LRPPRC: variants seen among roughly 807,000 people sequenced by gnomAD.
LRPPRC encodes the protein leucine rich pentatricopeptide repeat containing.
In LRPPRC, 120 loss-of-function variants were observed where a neutral mutation model predicts 180.3. The ratio of observed to expected loss-of-function variants is 0.67; its 90% CI spans 0.57 to 0.77. The LOEUF is 0.77. Ranked by LOEUF, LRPPRC falls within the 30% of genes least tolerant of loss-of-function variation. LRPPRC has a pLI of 0.00. For synonymous variants in LRPPRC, 723 were observed against 600.0 expected (o/e 1.21, Z -3.00); for missense variants, 2,012 against 1,657.2 (o/e 1.21, Z -3.72).
intron 1 of LRPPRC, among the ~76,000 whole-genome samples, chr2:43,986,776 T>C (rs546388823): frequency 4.6e-5 from 7 of 152,260 alleles, no homozygotes; most frequent in African/African-American, 1.7e-4. Flanking sequence ...CTGGCTGCAA[T>C]TGGGTGTTCA....
chr2:43,938,854 T>C (rs1190990299), intron 23 of LRPPRC, among the ~76,000 whole-genome samples: 1 of 152,086 alleles, frequency 6.6e-6, no homozygotes, highest in African/African-American at 2.4e-5. Flanking sequence ...ATGTATTTCA[T>C]ACAATCTGGA....
At chr2:43,963,502 A>G in intron 12 of LRPPRC, 86 bp downstream of exon 12, 4 of 886,574 alleles carry the variant, frequency 4.5e-6, no homozygotes, top group Non-Finnish European at 7.7e-6. Flanking sequence ...TCCTCAGTTC[A>G]ATGACTTTTT....
rs1046600365 is a variant in LRPPRC at position 43,908,927 on chromosome 2, T to C, written c.3276-3147A>G. 7.2e-5 allele frequency among the ~76,000 whole-genome samples: 11 copies of C among 152,284 alleles called. No individual in the cohort carries two copies. The East Asian group carries it at 1.7e-3, about 24-fold the overall frequency. On this transcript the variant is annotated intron_variant, in intron 30 of 37. Transcript: ENST00000260665. ...ATCCAGAGTAAGACTGCCAGAATAATACTAGGGCGGTACCGCCACTTGCTA... is the reference window on the plus strand; with the variant it reads ...ATCCAGAGTAAGACTGCCAGAATAACACTAGGGCGGTACCGCCACTTGCTA...
At position 43,973,912 on chromosome 2, in the gene LRPPRC, A is replaced by T; in HGVS notation, c.1156-12T>A. ...AGCTTCTCCACAGGCTGTGGGAAAA[A>T]AGTCACCACATTAGCTGGATTGGCA... On this transcript the variant is annotated splice_polypyrimidine_tract_variant and intron_variant, in intron 9 of 37. Coordinates refer to ENST00000260665, the MANE Select transcript of LRPPRC (RefSeq NM_133259.4). The T allele has an allele frequency of 6.7e-7, 1 of 1,487,812 alleles. No individual in the cohort carries two copies. The highest frequency in any genetic ancestry group is 1.1e-5 in the South Asian group (1 of 88,524). 92.2% of individuals were successfully genotyped at this position (1,487,812 alleles called of 1,614,324 possible). A position where few individuals can be genotyped will look rare whatever the true frequency, so the allele number is the denominator to read the frequency against.
Position 43,951,025 on chromosome 2 carries a change from G to C in LRPPRC, c.1650-425C>G, listed in dbSNP as rs369422416. ...GCGGAGGTTGCAGTGAGCCGAGATC[G>C]TGCCACTGCACTCCAGCCTGGGAGA... is the stretch of plus-strand genomic sequence containing the variant. On this transcript the variant is annotated intron_variant, in intron 14 of 37. Coordinates refer to ENST00000260665, the MANE Select transcript of LRPPRC (RefSeq NM_133259.4). Among the ~76,000 whole-genome samples, 2 of 152,158 alleles carry C rather than the reference G, an allele frequency of 1.3e-5. 1 individual carries two copies. Among genetic ancestry groups the C allele is most frequent in the East Asian group, 3.9e-4 (2 of 5,190 alleles).
intron 1 of LRPPRC, among the ~76,000 whole-genome samples, chr2:43,993,019 A>G (rs905591658): frequency 2.0e-5 from 3 of 152,218 alleles, no homozygotes; most frequent in African/African-American, 7.2e-5. Flanking sequence ...TTAATAGGTG[A>G]ACAGAAGCAA....
chr2:43,971,503 A>AAAAAAAAAAAAAAAAAAAT, intron 11 of LRPPRC, among the ~76,000 whole-genome samples: 1 of 147,802 alleles, frequency 6.8e-6, no homozygotes, highest in Non-Finnish European at 1.5e-5. Flanking sequence ...AAAAAAAAAA[A>AAAAAAAAAAAAAAAAAAAT]AGAAAAAAAT....
intron 12 of LRPPRC, 42 bp from the exon 13 acceptor site, chr2:43,960,676 A>C: frequency 1.1e-6 from 1 of 937,894 alleles, no homozygotes; most frequent in Non-Finnish European, 1.8e-6. Context: ...ATCTCAGCTA[A>C]CAATATTTTG....
chr2:43,982,155 G>A (rs1047444001), intron 2 of LRPPRC, 83 bp downstream of exon 2: 2 of 910,886 alleles, frequency 2.2e-6, no homozygotes, highest in Non-Finnish European at 3.3e-6. Flanking sequence ...CGATCTACCT[G>A]CCTCCCAAAG....
chr2:43,956,068 A>G (rs1041834434), intron 14 of LRPPRC, among the ~76,000 whole-genome samples: 24 of 150,366 alleles, frequency 1.6e-4, no homozygotes, highest in African/African-American at 5.5e-4. Context: ...GAGTCTCATC[A>G]TGGGAAAAAA....
chr2:43,902,178 G>C (rs984478766), intron 31 of LRPPRC: 1 of 152,330 alleles, frequency 6.6e-6, no homozygotes, highest in African/African-American at 2.4e-5. Flanking sequence ...TCCCGACTTA[G>C]CCCCATCGGT....
chr2:43,977,603 T>C (rs1026592407), intron 3 of LRPPRC, among the ~76,000 whole-genome samples: 1 of 152,204 alleles, frequency 6.6e-6, no homozygotes, highest in Non-Finnish European at 1.5e-5. Flanking sequence ...AAGATTTTTC[T>C]ATATAAAGCA....
At position 43,901,335 on chromosome 2, in the gene LRPPRC, A is replaced by G. The variant is rs760069016; in HGVS notation, c.3554T>C (p.Leu1185Ser). The G allele has an allele frequency of 1.2e-6, 2 of 1,613,624 alleles. No homozygotes were observed. Among genetic ancestry groups the G allele is most frequent in the Non-Finnish European group, 8.5e-7 (1 of 1,179,634 alleles). The change falls in exon 32 of 38, where the codon TTG (leucine) becomes TCG (serine). Residue 1185 changes from leucine to serine, a missense_variant. By Grantham distance (145) the Leu-to-Ser change is moderately radical (BLOSUM62 -2). Transcript: ENST00000260665. Reference sequence around the variant, plus strand: ...AAATACTCACTTCTTTATTTGAGCCAAAGCAATGTTATTGATGAAAACCAT... The same window carrying G: ...AAATACTCACTTCTTTATTTGAGCCGAAGCAATGTTATTGATGAAAACCAT... ...SKMVFINNIA[L>S]AQIKNNNIDA...
At chr2:43,928,644 G>A (rs565921006) in intron 25 of LRPPRC, among the ~76,000 whole-genome samples, 38 of 152,138 alleles carry the variant, frequency 2.5e-4, no homozygotes, top group Admixed American at 4.6e-4. Flanking sequence ...CCAGCTACTC[G>A]GGAGACTGAA....
chr2:43,913,615 G>GA (rs1298731714), intron 29 of LRPPRC, among the ~76,000 whole-genome samples: 2 of 152,044 alleles, frequency 1.3e-5, no homozygotes. Context: ...TAAATTTGGA[G>GA]AAAAAAATAT....
At chr2:43,996,056 T>G, upstream of LRPPRC, 1 of 1,116,352 alleles carries the variant, frequency 9.0e-7, no homozygotes, top group South Asian at 1.4e-5. Flanking sequence ...GCGTGCCAAA[T>G]GTGGGGGGAG....
At chr2:43,931,043 T>C (rs187592529) in intron 25 of LRPPRC, among the ~76,000 whole-genome samples, 1 of 152,198 alleles carries the variant, frequency 6.6e-6, no homozygotes, top group East Asian at 1.9e-4. Flanking sequence ...CAGGGAAAGA[T>C]TATATATACA....
intron 14 of LRPPRC, among the ~76,000 whole-genome samples, chr2:43,955,040 C>A (rs112691739): frequency 2.0e-5 from 3 of 152,040 alleles, no homozygotes; most frequent in Admixed American, 1.3e-4. Context: ...TTCCACGATA[C>A]GGGTTTTTAT....
chr2:43,901,712 A>G (rs774354328), intron 31 of LRPPRC, 188 bp from the exon 32 acceptor site: 8 of 585,912 alleles, frequency 1.4e-5, no homozygotes, highest in African/African-American at 7.5e-5. Context: ...ACTTGACTAT[A>G]TAAGATATTA....
Sources: gnomAD v4.1 joint callset for allele counts (sites outside exome capture counted in the v4.1 genomes callset) on GRCh38, gnomAD v4.1.1 for gene constraint, MANE v1.5 for transcripts, NCBI Gene and HGNC (gene_info 2026-07-23, HGNC 2026-07-21) for gene names.